Variants in FREM1 observed in about 807,000 individuals in gnomAD.
FREM1 encodes the protein FRAS1-related extracellular matrix protein 1.
FREM1 carries 220 observed loss-of-function variants against 210.1 expected under a neutral mutation model. That is an observed-to-expected ratio of 1.05 (90% CI 0.94 to 1.17). The LOEUF (loss-of-function observed/expected upper bound fraction) is 1.17, where lower values mean the gene tolerates loss of function less well. Among genes scored for constraint, FREM1 ranks in the 50% most tolerant of loss-of-function variants. The pLI, the probability that FREM1 is intolerant of heterozygous loss-of-function variation, is 0.00. For missense variants in FREM1, 3,454 were observed against 2,675.5 expected (o/e 1.29, Z -6.42); for synonymous variants, 1,189 against 980.2 (o/e 1.21, Z -3.98).
intron 2 of FREM1, among the ~76,000 whole-genome samples, chr9:14,864,363 A>G (rs923981837): frequency 2.6e-5 from 4 of 151,930 alleles, no homozygotes; most frequent in Non-Finnish European, 5.9e-5. Flanking sequence ...TTCTCCTTTC[A>G]TTTCTTTTTT....
At chr9:14,802,051 G>A (rs1333258270) in intron 19 of FREM1, among the ~76,000 whole-genome samples, 177 bp from the exon 20 acceptor site, 2 of 152,148 alleles carry the variant, frequency 1.3e-5, no homozygotes, top group Non-Finnish European at 2.9e-5. Flanking sequence ...GGAAGTAACA[G>A]ATCTATTAAT....
intron 15 of FREM1, among the ~76,000 whole-genome samples, chr9:14,815,700 T>C (rs1428197522): frequency 1.3e-5 from 2 of 152,108 alleles, no homozygotes; most frequent in Non-Finnish European, 1.5e-5. Flanking sequence ...CAGGCTGGAG[T>C]GCAGTGGCAT....
intron 14 of FREM1, among the ~76,000 whole-genome samples, chr9:14,817,159 T>C (rs1351258679): frequency 2.6e-5 from 4 of 152,180 alleles, no homozygotes; most frequent in African/African-American, 4.8e-5. Flanking sequence ...ACAGGAACCA[T>C]TTGGTATAGG....
At chr9:14,748,673 A>T (rs1451311824) in intron 30 of FREM1, 34 bp from the exon 31 acceptor site, 1 of 1,361,912 alleles carries the variant, frequency 7.3e-7, no homozygotes. Context: ...CGGTCAGTTC[A>T]TTTTACACAA....
chr9:14,800,579 G>C (rs560561392), intron 20 of FREM1, among the ~76,000 whole-genome samples: 4 of 152,282 alleles, frequency 2.6e-5, no homozygotes, highest in Non-Finnish European at 5.9e-5. Flanking sequence ...AATTTTGGCA[G>C]ACCAGTCTCT....
Position 14,801,746 on chromosome 9 carries a change from C to G in FREM1, c.3600G>C (p.Gly1200=), listed in dbSNP as rs561432462. ...KPRHGLLIDR[G]FSKDFSENKQ... is the part of the protein sequence containing the mutation. ...TATTCTCAGAGAAGTCTTTGCTAAA[C>G]CCCCTATCGATGAGGAGGCCATGGC... Residue 1200 remains glycine (G), a synonymous_variant, in exon 20 of 37, where the codon GGG becomes GGC. Coordinates refer to ENST00000380880, the MANE Select transcript of FREM1 (RefSeq NM_001379081.2). 61 of 1,613,904 alleles carry G rather than the reference C, an allele frequency of 3.8e-5. No homozygotes were observed. The African/African-American group carries it at 5.5e-4, about 14-fold the overall frequency.
intron 1 of FREM1, among the ~76,000 whole-genome samples, chr9:14,888,233 G>C (rs12345268): frequency 0.11 from 16,248 of 152,176 alleles, 2,818 homozygotes; most frequent in African/African-American, 0.37. Flanking sequence ...GAGACATAAA[G>C]AGGTTAAGTA....
At chr9:14,838,721 A>G (rs1201449751) in intron 10 of FREM1, among the ~76,000 whole-genome samples, 1 of 152,228 alleles carries the variant, frequency 6.6e-6, no homozygotes, top group African/African-American at 2.4e-5. Flanking sequence ...TGAGTCAGAT[A>G]CCTAGGTCTA....
intron 24 of FREM1, among the ~76,000 whole-genome samples, chr9:14,778,674 GGGGA>G (rs1186610367): frequency 5.2e-5 from 3 of 57,508 alleles, no homozygotes; most frequent in Non-Finnish European, 6.9e-5. Flanking sequence ...AGGGGAGGGA[GGGGA>G]GGGAGGGAAG....
chr9:14,823,193 A>G lies in FREM1; in HGVS notation c.2304T>C (p.Ile768=), dbSNP rs562432024. The stretch of plus-strand genomic sequence containing the variant: ...CTTGATTGTCCACTGGGAGGATTGT[A>G]ATGTTAAAGCAGATCCCATGCAAAG... ...GGTLHGICFN[I]TILPVDNQVP... Residue 768 remains isoleucine (I), a synonymous_variant, in exon 13 of 37, where the codon ATT becomes ATC. Transcript: ENST00000380880. 3 of 1,613,870 alleles carry G rather than the reference A, an allele frequency of 1.9e-6. No homozygotes were observed. The highest frequency in any genetic ancestry group is 2.2e-5 in the East Asian group (1 of 44,876).
chr9:14,864,762 C>T (rs10810273), intron 2 of FREM1, among the ~76,000 whole-genome samples: 29,073 of 152,106 alleles, frequency 0.19, 3,323 homozygotes, highest in East Asian at 0.55. Flanking sequence ...CGTGGTGTTT[C>T]GTCTGTACCT....
chr9:14,901,053 C>A (rs1458811675), intron 1 of FREM1, among the ~76,000 whole-genome samples: 1 of 152,132 alleles, frequency 6.6e-6, no homozygotes. Flanking sequence ...TTGTTCCTTG[C>A]TGCGACTCTT....
chr9:14,805,164 C>T lies in FREM1; in HGVS notation c.3275-12G>A. 1.4e-6 allele frequency: 2 copies of T among 1,464,782 alleles called. No homozygotes were observed. Among genetic ancestry groups the T allele is most frequent in the Middle Eastern group, 1.8e-4 (1 of 5,486 alleles). 90.7% of individuals were successfully genotyped at this position (1,464,782 alleles called of 1,614,324 possible). A position where few individuals can be genotyped will look rare whatever the true frequency, so the allele number is the denominator to read the frequency against. ...CCACTGAAATGAATCTAGAGCACACCAAGATGGAACAGATAAATAAAAAAA... is the reference window on the plus strand; with the variant it reads ...CCACTGAAATGAATCTAGAGCACACTAAGATGGAACAGATAAATAAAAAAA... On this transcript the variant is annotated splice_polypyrimidine_tract_variant and intron_variant, in intron 18 of 36. Transcript: ENST00000380880.
At chr9:14,741,579 G>T (rs928089117) in intron 35 of FREM1, among the ~76,000 whole-genome samples, 1 of 152,170 alleles carries the variant, frequency 6.6e-6, no homozygotes, top group Non-Finnish European at 1.5e-5. Flanking sequence ...CATCCAACAC[G>T]CTCACTCTAA....
Position 14,857,751 on chromosome 9 carries a change from T to C in FREM1, c.632-2A>G, listed in dbSNP as rs1306087371. 6.3e-7 allele frequency: 1 copy of C among 1,592,006 alleles called. No homozygotes were observed. Among genetic ancestry groups the C allele is most frequent in the South Asian group, 1.2e-5 (1 of 86,834 alleles). The stretch of plus-strand genomic sequence containing the variant: ...GACACTTCAGTTTTGCTCTCAGTTC[T>C]AGAATGTACAGCACTGGATTAAGAG... On this transcript the variant is annotated splice_acceptor_variant, in intron 4 of 36. Transcript: ENST00000380880. LOFTEE classifies it high-confidence loss of function.
chr9:14,763,059 G>A (rs879758024), intron 27 of FREM1, among the ~76,000 whole-genome samples: 4 of 152,152 alleles, frequency 2.6e-5, no homozygotes, highest in East Asian at 3.9e-4. Context: ...ATTGAGTGAC[G>A]CTCATTTTAC....
intron 23 of FREM1, among the ~76,000 whole-genome samples, chr9:14,785,303 A>C (rs574178281): frequency 1.3e-5 from 2 of 152,366 alleles, no homozygotes; most frequent in East Asian, 3.9e-4. Flanking sequence ...GTAGTTTATT[A>C]ACATTCATTA....
intron 1 of FREM1, among the ~76,000 whole-genome samples, chr9:14,874,030 G>A (rs201759505): frequency 3.7e-4 from 57 of 152,084 alleles, no homozygotes; most frequent in African/African-American, 1.3e-3. Context: ...GTGGTCTGAG[G>A]GACAGTTTGT....
chr9:14,788,559 G>T (rs1850768930), intron 23 of FREM1, among the ~76,000 whole-genome samples: 1 of 151,854 alleles, frequency 6.6e-6, no homozygotes, highest in African/African-American at 2.4e-5. Flanking sequence ...CCATTTTCCA[G>T]TGATAGATCA....
Sources: gnomAD v4.1 joint callset for allele counts (sites outside exome capture counted in the v4.1 genomes callset) on GRCh38, gnomAD v4.1.1 for gene constraint, MANE v1.5 for transcripts, NCBI Gene and HGNC (gene_info 2026-07-23, HGNC 2026-07-21) for gene names.